The following PRRX1 variants were observed in gnomAD, a reference collection of about 807,000 sequenced individuals.
PRRX1 encodes the protein paired mesoderm homeobox protein 1.
A neutral mutation model predicts 24.0 loss-of-function variants in PRRX1; 8 were observed. That is an observed-to-expected ratio of 0.33 (90% confidence interval 0.20 to 0.60). PRRX1 has a LOEUF of 0.60. Among genes scored for constraint, PRRX1 ranks in the 20% least tolerant of loss-of-function variants. PRRX1 has a pLI of 0.82. For synonymous variants in PRRX1, 160 were observed against 131.7 expected (o/e 1.22, Z -1.47); for missense variants, 281 against 322.4 (o/e 0.87, Z 0.98).
At chr1:170,703,978 A>C (rs979612567) in intron 1 of PRRX1, among the ~76,000 whole-genome samples, 1 of 152,242 alleles carries the variant, frequency 6.6e-6, no homozygotes, top group African/African-American at 2.4e-5. Context: ...GGCCTAGAGT[A>C]CTGGGAAAAG....
intron 1 of PRRX1, among the ~76,000 whole-genome samples, chr1:170,704,443 C>G (rs1468488186): frequency 6.6e-6 from 1 of 152,188 alleles, no homozygotes; most frequent in African/African-American, 2.4e-5. Context: ...AAAACACACT[C>G]CAAATATTCA....
intron 1 of PRRX1, chr1:170,668,054 C>T (rs1249068733): frequency 6.6e-6 from 1 of 151,946 alleles, no homozygotes. Context: ...CTGTAGAATG[C>T]TTTCTTTCAC....
chr1:170,666,867 A>G (rs1481229613), intron 1 of PRRX1, among the ~76,000 whole-genome samples: 1 of 152,024 alleles, frequency 6.6e-6, no homozygotes, highest in Non-Finnish European at 1.5e-5. Context: ...AGAGGAAGCT[A>G]GCTATGGAGC....
intron 3 of PRRX1, chr1:170,730,099 C>T: frequency 1.4e-6 from 1 of 705,078 alleles, no homozygotes. Context: ...GTGCCATTTC[C>T]AGAGGGAGGG....
At chr1:170,732,196 C>G (rs1028590449) in intron 3 of PRRX1, among the ~76,000 whole-genome samples, 3 of 152,132 alleles carry the variant, frequency 2.0e-5, no homozygotes, top group African/African-American at 7.2e-5. Context: ...TTACATGTTC[C>G]GAATGGCCCT....
At chr1:170,700,566 G>C (rs1355861548) in intron 1 of PRRX1, among the ~76,000 whole-genome samples, 1 of 152,158 alleles carries the variant, frequency 6.6e-6, no homozygotes. Flanking sequence ...TGTGGTCAAA[G>C]TTTAGCAGTC....
At chr1:170,666,290 C>G (rs1356094391) in intron 1 of PRRX1, among the ~76,000 whole-genome samples, 2 of 151,664 alleles carry the variant, frequency 1.3e-5, no homozygotes, top group East Asian at 3.9e-4. Flanking sequence ...TAGTGCCGAG[C>G]GCCTGTAATC....
At chr1:170,684,430 C>T (rs1204704398) in intron 1 of PRRX1, among the ~76,000 whole-genome samples, 2 of 152,190 alleles carry the variant, frequency 1.3e-5, no homozygotes, top group Non-Finnish European at 2.9e-5. Flanking sequence ...TCAGAATAAA[C>T]TATTTGTATA....
chr1:170,680,138 G>A (rs4656794), intron 1 of PRRX1, among the ~76,000 whole-genome samples: 48,028 of 151,680 alleles, frequency 0.32, 8,545 homozygotes, highest in East Asian at 0.59. Flanking sequence ...GTACGTTTCA[G>A]GGCTCTTGTC....
intron 1 of PRRX1, among the ~76,000 whole-genome samples, chr1:170,679,931 TTTTG>T (rs1653452827): frequency 1.3e-5 from 2 of 152,226 alleles, no homozygotes; most frequent in South Asian, 4.1e-4. Context: ...TATTTTGAAA[TTTTG>T]TTTACTTATC....
chr1:170,705,539 T>A (rs1297947810), intron 1 of PRRX1, among the ~76,000 whole-genome samples: 1 of 152,134 alleles, frequency 6.6e-6, no homozygotes, highest in Non-Finnish European at 1.5e-5. Context: ...CGCCCTGGCA[T>A]CCCAAAGTGC....
chr1:170,694,396 G>A (rs1019332180), intron 1 of PRRX1, among the ~76,000 whole-genome samples: 9 of 152,064 alleles, frequency 5.9e-5, no homozygotes, highest in African/African-American at 1.7e-4. Context: ...AGCTGTTTTC[G>A]TTGTAGAGTG....
intron 1 of PRRX1, among the ~76,000 whole-genome samples, chr1:170,670,478 T>C (rs1449402284): frequency 6.6e-6 from 1 of 152,140 alleles, no homozygotes; most frequent in Non-Finnish European, 1.5e-5. Flanking sequence ...TCATTAGTGG[T>C]TCAGGGTTGG....
chr1:170,685,511 G>A (rs1045320204), intron 1 of PRRX1, among the ~76,000 whole-genome samples: 1 of 152,146 alleles, frequency 6.6e-6, no homozygotes, highest in African/African-American at 2.4e-5. Flanking sequence ...AGTTTAAAAA[G>A]TATTCATTTT....
In PRRX1 at chr1:170,691,476, CT is replaced by C; in HGVS notation, c.241+27020del. Reference sequence around the variant, plus strand: ...CTTTCCTTTCCTTTCCTTTCCTTTCCTTTCCTTTCCTTTCCTTTCCTTTCCT... The same window carrying C: ...CTTTCCTTTCCTTTCCTTTCCTTTCCTTCCTTTCCTTTCCTTTCCTTTCCT... On this transcript the variant is annotated intron_variant, in intron 1 of 3. Coordinates refer to ENST00000239461, the MANE Select transcript of PRRX1 (RefSeq NM_022716.4). 2.8e-5 allele frequency among the ~76,000 whole-genome samples: 4 copies of C among 143,222 alleles called. No homozygotes were observed. The South Asian group carries it at 9.5e-4, about 34-fold the overall frequency. 94.0% of individuals were successfully genotyped at this position (143,222 alleles called of 152,430 possible). A position where few individuals can be genotyped will look rare whatever the true frequency, so the allele number is the denominator to read the frequency against.
At chr1:170,686,211 G>A (rs562383284) in intron 1 of PRRX1, among the ~76,000 whole-genome samples, 1 of 147,924 alleles carries the variant, frequency 6.8e-6, no homozygotes, top group Admixed American at 6.7e-5. Flanking sequence ...TGCTATTTAC[G>A]TTTCAGATAT....
chr1:170,726,407 T>C lies in PRRX1; in HGVS notation c.599+6T>C, dbSNP rs761261249. 8.7e-6 allele frequency: 14 copies of C among 1,613,390 alleles called. No individual in the cohort carries two copies. Among genetic ancestry groups the C allele is most frequent in the Non-Finnish European group, 1.0e-5 (12 of 1,179,470 alleles). ...GGGACAGCGTCTCCGTACAGGTGAA[T>C]GACTGGCCCACTCTCCCTTGCTCCA... On this transcript the variant is annotated splice_donor_region_variant and intron_variant, in intron 3 of 3. Transcript: ENST00000239461.
intron 1 of PRRX1, 145 bp downstream of exon 1, chr1:170,664,604 G>C: frequency 7.6e-7 from 1 of 1,311,712 alleles, no homozygotes; most frequent in African/African-American, 1.5e-5. Flanking sequence ...GGAAGGGCCA[G>C]TCACAGGGGA....
intron 1 of PRRX1, among the ~76,000 whole-genome samples, chr1:170,686,283 G>C (rs373787098): frequency 9.2e-5 from 14 of 152,048 alleles, no homozygotes; most frequent in African/African-American, 3.4e-4. Flanking sequence ...TAGCTTAGAG[G>C]ACTAAAAACC....
Sources: allele counts gnomAD v4.1 joint callset (sites outside exome capture counted in the v4.1 genomes callset), GRCh38; gene constraint gnomAD v4.1.1; transcripts MANE v1.5; gene names NCBI Gene and HGNC (gene_info 2026-07-23, HGNC 2026-07-21).